The following PCDH15 variants were observed in gnomAD, a reference collection of about 807,000 sequenced individuals.
PCDH15 encodes protocadherin related 15.
Under a neutral mutation model 178.5 loss-of-function variants are expected in PCDH15, and 129 were observed. The observed-to-expected ratio is 0.72, with a 90% CI of 0.63 to 0.84. The LOEUF is 0.84. Among genes scored for constraint, PCDH15 ranks in the 40% least tolerant of loss-of-function variants. The pLI is 0.00. For synonymous variants in PCDH15, 800 were observed against 732.0 expected (o/e 1.09, Z -1.50); for missense variants, 2,230 against 2,099.9 (o/e 1.06, Z -1.21).
At chr10:54,620,889 C>T (rs972683656) in intron 2 of PCDH15, among the ~76,000 whole-genome samples, 1 of 151,876 alleles carries the variant, frequency 6.6e-6, no homozygotes, top group African/African-American at 2.4e-5. Flanking sequence ...AAACACTCTA[C>T]CATGCTTTCC....
chr10:54,751,514 G>A (rs376162527), intron 1 of PCDH15, among the ~76,000 whole-genome samples: 2 of 152,080 alleles, frequency 1.3e-5, no homozygotes, highest in African/African-American at 4.8e-5. Context: ...TCAGAAATTT[G>A]CAACACAATA....
intron 9 of PCDH15, among the ~76,000 whole-genome samples, chr10:54,231,699 C>T (rs2134316689): frequency 6.6e-6 from 1 of 152,336 alleles, no homozygotes; most frequent in South Asian, 2.1e-4. Context: ...ATACCCAAGG[C>T]CTTGGGAGCC....
intron 1 of PCDH15, among the ~76,000 whole-genome samples, chr10:55,255,724 T>C (rs1841978687): frequency 6.6e-6 from 1 of 152,258 alleles, no homozygotes; most frequent in Non-Finnish European, 1.5e-5. Context: ...CATTTCTTCA[T>C]GTGTCTTTTG....
intron 2 of PCDH15, among the ~76,000 whole-genome samples, chr10:55,469,424 A>C (rs1352929300): frequency 6.6e-6 from 1 of 152,168 alleles, no homozygotes; most frequent in Non-Finnish European, 1.5e-5. Context: ...AGCAATAACT[A>C]ATAATTTTTA....
At chr10:54,737,151 G>A (rs1011190663) in intron 1 of PCDH15, among the ~76,000 whole-genome samples, 6 of 152,020 alleles carry the variant, frequency 3.9e-5, no homozygotes, top group African/African-American at 9.7e-5. Flanking sequence ...TAGACCTGCC[G>A]GGTGCTTCTT....
chr10:55,130,719 GTGTGTGTA>G (rs1444922365), intron 2 of PCDH15, among the ~76,000 whole-genome samples: 4 of 96,478 alleles, frequency 4.1e-5, no homozygotes, highest in African/African-American at 1.5e-4. Context: ...GTGTGTGTGT[GTGTGTGTA>G]TATACATTAA....
At chr10:54,193,999 T>A (rs1164019396) in intron 11 of PCDH15, among the ~76,000 whole-genome samples, 2 of 147,608 alleles carry the variant, frequency 1.4e-5, no homozygotes, top group Non-Finnish European at 3.0e-5. Context: ...GAGAACTCAA[T>A]GACAGATATT....
At chr10:55,090,555 C>T (rs1779256) in intron 2 of PCDH15, among the ~76,000 whole-genome samples, 62,342 of 151,642 alleles carry the variant, frequency 0.41, 16,099 homozygotes, top group African/African-American at 0.74. Flanking sequence ...CTTCCATAAG[C>T]GGTAGGAGAC....
intron 1 of PCDH15, among the ~76,000 whole-genome samples, chr10:54,739,149 T>C (rs1249461988): frequency 6.6e-6 from 1 of 151,962 alleles, no homozygotes; most frequent in Non-Finnish European, 1.5e-5. Flanking sequence ...ATCTTATATT[T>C]AGAACATAAA....
chr10:55,558,390 T>C (rs10825545), intron 2 of PCDH15, among the ~76,000 whole-genome samples: 47,939 of 152,012 alleles, frequency 0.32, 8,232 homozygotes, highest in East Asian at 0.49. Flanking sequence ...TGCTTTTATG[T>C]CTGCAGGTGT....
intron 2 of PCDH15, among the ~76,000 whole-genome samples, chr10:55,011,424 T>G (rs2131943355): frequency 6.6e-6 from 1 of 152,208 alleles, no homozygotes; most frequent in African/African-American, 2.4e-5. Flanking sequence ...ACGTGGAAAT[T>G]AGTTAATTAA....
At position 55,526,926 on chromosome 10, in the gene PCDH15, G is replaced by C. The variant is rs868119920; in HGVS notation, c.-156+100699C>G. ...TTATATTTATAGGCAACGTCATGAA[G>C]TGGCAGTACAAATCTGTATCAGTTG... On this transcript the variant is annotated intron_variant, in intron 2 of 5. Coordinates refer to the PCDH15 transcript ENST00000613346. Among the ~76,000 whole-genome samples the C allele has an allele frequency of 3.9e-4, 60 of 152,014 alleles. 1 individual carries two copies. Among genetic ancestry groups the C allele is most frequent in the Non-Finnish European group, 2.2e-4 (15 of 67,996 alleles).
intron 3 of PCDH15, among the ~76,000 whole-genome samples, chr10:54,477,673 T>A (rs1040332395): frequency 6.6e-6 from 1 of 152,192 alleles, no homozygotes; most frequent in Non-Finnish European, 1.5e-5. Context: ...CTTGGCTCAC[T>A]GCAGCCTTCG....
chr10:55,239,395 AT>A (rs1418522380), intron 1 of PCDH15, among the ~76,000 whole-genome samples: 1 of 152,182 alleles, frequency 6.6e-6, no homozygotes, highest in African/African-American at 2.4e-5. Context: ...AAATCCACAC[AT>A]TTAGCAGTGA....
intron 2 of PCDH15, among the ~76,000 whole-genome samples, chr10:54,639,773 T>G (rs1194940563): frequency 2.6e-5 from 4 of 152,186 alleles, no homozygotes; most frequent in Non-Finnish European, 2.9e-5. Flanking sequence ...TTGATGATTC[T>G]GAGGTTTTCA....
chr10:54,167,388 T>C (rs922503561), intron 13 of PCDH15, among the ~76,000 whole-genome samples: 1 of 152,164 alleles, frequency 6.6e-6, no homozygotes, highest in East Asian at 1.9e-4. Context: ...TTTCATTTTC[T>C]GGGAGAGACA....
At chr10:54,155,114 A>G (rs935891163) in intron 13 of PCDH15, among the ~76,000 whole-genome samples, 1 of 152,224 alleles carries the variant, frequency 6.6e-6, no homozygotes, top group Non-Finnish European at 1.5e-5. Flanking sequence ...TGGGACTTAA[A>G]TTGGCTAAAG....
At chr10:54,686,398 A>G (rs1311388093) in intron 1 of PCDH15, among the ~76,000 whole-genome samples, 2 of 152,044 alleles carry the variant, frequency 1.3e-5, no homozygotes, top group South Asian at 2.1e-4. Context: ...TGCTTTACAG[A>G]GTTATTGAGA....
rs1281645321 is a variant in PCDH15, at chr10:54,155,565, T to C, written c.1591-2272A>G. The stretch of plus-strand genomic sequence containing the variant: ...GTTTGCATGTATGCTAACAAAGATA[T>C]TTTAAGGAAATTAATCGTAGTCCAC... On this transcript the variant is annotated intron_variant, in intron 13 of 37. Transcript: ENST00000644397. Among the ~76,000 whole-genome samples, 3 of 152,154 alleles carry C rather than the reference T, an allele frequency of 2.0e-5. No homozygotes were observed. The East Asian group carries it at 5.8e-4, about 29-fold the overall frequency.
Sources: gnomAD v4.1 joint callset for allele counts (sites outside exome capture counted in the v4.1 genomes callset) on GRCh38, gnomAD v4.1.1 for gene constraint, MANE v1.5 for transcripts, NCBI Gene and HGNC (gene_info 2026-07-23, HGNC 2026-07-21) for gene names.